The following ATP8A2 variants were observed in gnomAD, a reference collection of about 807,000 sequenced individuals.
The protein encoded by ATP8A2 is ATPase phospholipid transporting 8A2, also known as phospholipid-transporting ATPase IB.
In ATP8A2, 100 loss-of-function variants were observed where a neutral mutation model predicts 165.6. The observed-to-expected ratio is 0.60, with a 90% CI of 0.51 to 0.71. The LOEUF (loss-of-function observed/expected upper bound fraction) is 0.71, where lower values mean the gene tolerates loss of function less well. Among genes scored for constraint, ATP8A2 ranks in the 30% least tolerant of loss-of-function variants. ATP8A2 has a pLI of 0.00. For synonymous variants in ATP8A2, 543 were observed against 548.8 expected, an observed-to-expected ratio of 0.99 and a Z score of 0.15; for missense variants, 1,227 against 1,479.5, an observed-to-expected ratio of 0.83 and a Z score of 2.80.
At chr13:25,483,346 C>G (rs1343806694) in intron 2 of ATP8A2, among the ~76,000 whole-genome samples, 1 of 152,106 alleles carries the variant, frequency 6.6e-6, no homozygotes, top group African/African-American at 2.4e-5. Context: ...AGGTGATTGA[C>G]CTCAGAATAG....
In ATP8A2 at chr13:25,831,564, C is replaced by T. The variant is rs116209518; in HGVS notation, c.2754+3372C>T. On this transcript the variant is annotated intron_variant, in intron 28 of 36. Coordinates refer to ENST00000381655, the MANE Select transcript of ATP8A2 (RefSeq NM_016529.6). ...AATAGCATTAAAACAGACTTGAGGC[C>T]GGGCGTGTTGGCTCACACCTATAAT... Among the ~76,000 whole-genome samples, 1,429 of 152,192 alleles carry T rather than the reference C, an allele frequency of 9.4e-3. 18 individuals are homozygous for T. Among genetic ancestry groups the T allele is most frequent in the African/African-American group, 0.032 (1,340 of 41,528 alleles).
intron 33 of ATP8A2, among the ~76,000 whole-genome samples, chr13:25,872,596 G>A (rs1002382161): frequency 6.6e-6 from 1 of 152,156 alleles, no homozygotes; most frequent in African/African-American, 2.4e-5. Context: ...AGAAGACAGC[G>A]TTGGGTAGAA....
At chr13:25,425,744 T>G (rs2034431630) in intron 1 of ATP8A2, among the ~76,000 whole-genome samples, 1 of 152,052 alleles carries the variant, frequency 6.6e-6, no homozygotes, top group African/African-American at 2.4e-5. Context: ...CCGGCTAATT[T>G]TTTGTATTTT....
At chr13:25,526,430 TGC>T (rs1310901555) in intron 2 of ATP8A2, among the ~76,000 whole-genome samples, 2 of 152,212 alleles carry the variant, frequency 1.3e-5, no homozygotes, top group Non-Finnish European at 2.9e-5. Context: ...TGGATTCTTT[TGC>T]TTTTCATTGG....
At chr13:25,733,964 C>T (rs889542178) in intron 25 of ATP8A2, among the ~76,000 whole-genome samples, 1 of 152,098 alleles carries the variant, frequency 6.6e-6, no homozygotes, top group Non-Finnish European at 1.5e-5. Context: ...TGTTCGTTGG[C>T]GATGAGGAAC....
At chr13:25,736,861 A>G (rs916790291) in intron 25 of ATP8A2, among the ~76,000 whole-genome samples, 2 of 152,154 alleles carry the variant, frequency 1.3e-5, no homozygotes, top group South Asian at 2.1e-4. Context: ...ACCCCAGGGA[A>G]TATAACCAGC....
chr13:25,596,536 T>C (rs2040240668), intron 24 of ATP8A2, among the ~76,000 whole-genome samples: 1 of 152,194 alleles, frequency 6.6e-6, no homozygotes, highest in South Asian at 2.1e-4. Flanking sequence ...TGTCTTTTTG[T>C]CTGGCTTCTT....
chr13:25,973,424 T>C lies in ATP8A2; in HGVS notation c.3377+4745T>C, dbSNP rs187288534. ...ACAGGCAGGGCCCTGGTCACAGCCT[T>C]GGACAGGTGGCCTGGGATCCTAATG... On this transcript the variant is annotated intron_variant, in intron 35 of 36. Coordinates refer to ENST00000381655, the MANE Select transcript of ATP8A2 (RefSeq NM_016529.6). Among the ~76,000 whole-genome samples, 45 of 152,246 alleles carry C rather than the reference T, an allele frequency of 3.0e-4. No individual in the cohort carries two copies. The East Asian group carries it at 8.1e-3, about 28-fold the overall frequency.
intron 1 of ATP8A2, among the ~76,000 whole-genome samples, chr13:25,427,287 G>A (rs79497574): frequency 0.013 from 2,040 of 151,914 alleles, 49 homozygotes; most frequent in African/African-American, 0.046. Context: ...AAAATCTAAT[G>A]CCTGATGATC....
chr13:25,561,987 T>G (rs957633546), intron 15 of ATP8A2, among the ~76,000 whole-genome samples: 2 of 152,260 alleles, frequency 1.3e-5, no homozygotes, highest in African/African-American at 4.8e-5. Context: ...TGCGATTGCA[T>G]GTATATGCCA....
chr13:25,937,848 C>CAAA (rs57258286), intron 33 of ATP8A2, among the ~76,000 whole-genome samples: 40 of 83,554 alleles, frequency 4.8e-4, no homozygotes, highest in African/African-American at 8.5e-4. Flanking sequence ...GACTCCGTCT[C>CAAA]AAAAAAAAAA....
At chr13:25,896,305 A>T (rs1244435260) in intron 33 of ATP8A2, among the ~76,000 whole-genome samples, 2 of 152,188 alleles carry the variant, frequency 1.3e-5, no homozygotes, top group Non-Finnish European at 2.9e-5. Context: ...GTAGTCATTC[A>T]GGAGCAGGTT....
intron 1 of ATP8A2, among the ~76,000 whole-genome samples, chr13:25,466,920 T>C (rs1308211487): frequency 6.6e-6 from 1 of 152,204 alleles, no homozygotes; most frequent in African/African-American, 2.4e-5. Context: ...GCAGGGTTAG[T>C]GGGCAGAGAG....
chr13:26,009,386 T>G (rs76798657), intron 35 of ATP8A2, among the ~76,000 whole-genome samples: 207 of 152,326 alleles, frequency 1.4e-3, no homozygotes, highest in African/African-American at 4.7e-3. Flanking sequence ...CTCTCCATGC[T>G]TCAGAACCCC....
At chr13:25,403,456 G>A (rs986696560) in intron 1 of ATP8A2, among the ~76,000 whole-genome samples, 2 of 152,188 alleles carry the variant, frequency 1.3e-5, no homozygotes, top group Non-Finnish European at 2.9e-5. Flanking sequence ...GGAAAGTACA[G>A]CAATGTACTG....
rs9578851 is a variant in ATP8A2, at chr13:25,372,569, G to C, written c.76+281G>C. ...GTACAGATGTGTGTGTGTGTGTGCG[G>C]CCTCCCTGTGCGCGTGCCCGTGCGC... On this transcript the variant is annotated intron_variant, in intron 1 of 36. Coordinates refer to ENST00000381655, the MANE Select transcript of ATP8A2 (RefSeq NM_016529.6). This position sits in a 1 kb window ranked among gnomAD's most constrained non-coding sequence, Gnocchi z 4.8. 0.095 allele frequency among the ~76,000 whole-genome samples: 14,443 copies of C among 152,164 alleles called. 1,370 individuals carry two copies. Among genetic ancestry groups the C allele is most frequent in the African/African-American group, 0.24 (10,121 of 41,482 alleles).
intron 24 of ATP8A2, among the ~76,000 whole-genome samples, chr13:25,691,092 A>G (rs1363193657): frequency 6.6e-6 from 1 of 152,232 alleles, no homozygotes; most frequent in Non-Finnish European, 1.5e-5. Context: ...TAGGCCAAAC[A>G]GAAGAGACTG....
intron 1 of ATP8A2, among the ~76,000 whole-genome samples, chr13:25,428,646 G>A (rs140744014): frequency 2.6e-3 from 392 of 152,254 alleles, no homozygotes; most frequent in African/African-American, 4.6e-3. Flanking sequence ...GAGGTGGCAA[G>A]GTGTGTGTTT....
chr13:25,640,010 A>G lies in ATP8A2; in HGVS notation c.2211+50311A>G, dbSNP rs566194321. Among the ~76,000 whole-genome samples the G allele has an allele frequency of 2.0e-5, 3 of 152,356 alleles. No individual in the cohort carries two copies. The East Asian group carries it at 5.8e-4, about 29-fold the overall frequency. On this transcript the variant is annotated intron_variant, in intron 24 of 36. Transcript: ENST00000381655. ...ACCTGCTTCTGAATGACTACTGGGTACATAACAAAATGAAGGCAGAAATAA... is the reference window on the plus strand; with the variant it reads ...ACCTGCTTCTGAATGACTACTGGGTGCATAACAAAATGAAGGCAGAAATAA...
Sources: gnomAD v4.1 joint callset for allele counts (sites outside exome capture counted in the v4.1 genomes callset) on GRCh38, gnomAD v4.1.1 for gene constraint, Gnocchi (gnomAD v3.1) non-coding constraint, MANE v1.5 for transcripts, NCBI Gene and HGNC (gene_info 2026-07-23, HGNC 2026-07-21) for gene names.